The following IQCJ variants were observed in gnomAD, a reference collection of about 807,000 sequenced individuals.
The protein encoded by IQCJ is IQ motif containing J.
Under a neutral mutation model 11.0 loss-of-function variants are expected in IQCJ, and 9 were observed. The ratio of observed to expected loss-of-function variants is 0.82; its 90% CI spans 0.49 to 1.43. IQCJ has a LOEUF of 1.43. Ranked by LOEUF, IQCJ falls within the 40% of genes most tolerant of loss-of-function variation. The pLI is 0.00. For missense variants in IQCJ, 146 were observed against 133.2 expected (o/e 1.10, Z -0.47); for synonymous variants, 55 against 51.3 (o/e 1.07, Z -0.31).
At chr3:159,246,652 A>G (rs1478887748) in intron 2 of IQCJ, among the ~76,000 whole-genome samples, 1 of 152,168 alleles carries the variant, frequency 6.6e-6, no homozygotes, top group African/African-American at 2.4e-5. Context: ...TAAGAATCAC[A>G]TTGACATTGC....
chr3:159,092,324 A>G (rs1322169156), intron 1 of IQCJ, among the ~76,000 whole-genome samples: 1 of 151,914 alleles, frequency 6.6e-6, no homozygotes, highest in East Asian at 1.9e-4. Context: ...GGACAGACCA[A>G]ACAGAAACAT....
chr3:159,121,326 G>A lies in IQCJ; in HGVS notation c.9+51885G>A, dbSNP rs138447808. Among the ~76,000 whole-genome samples, 679 of 151,952 alleles carry A rather than the reference G, an allele frequency of 4.5e-3. 5 individuals are homozygous for A. Among genetic ancestry groups the A allele is most frequent in the Non-Finnish European group, 6.9e-3 (467 of 67,950 alleles). On this transcript the variant is annotated intron_variant, in intron 1 of 3. Transcript: ENST00000397832. Reference sequence around the variant, plus strand: ...TCAAAAAAATTTTTTTTAGAGACTGGGTCTTGCCATGTTGCCCAGGCTGAT... The same window carrying A: ...TCAAAAAAATTTTTTTTAGAGACTGAGTCTTGCCATGTTGCCCAGGCTGAT...
intron 1 of IQCJ, among the ~76,000 whole-genome samples, chr3:159,218,341 T>TTGTGTGTGTGTG (rs34078356): frequency 1.1e-4 from 16 of 146,016 alleles, no homozygotes; most frequent in African/African-American, 4.0e-4. Context: ...GAGTCCCTCT[T>TTGTGTGTGTGTG]TGTGTGTGTG....
At chr3:159,120,449 G>A (rs1159392995) in intron 1 of IQCJ, among the ~76,000 whole-genome samples, 7 of 152,236 alleles carry the variant, frequency 4.6e-5, no homozygotes, top group African/African-American at 1.7e-4. Flanking sequence ...CTGGGGGAAG[G>A]GTTTTATGCA....
intron 1 of IQCJ, among the ~76,000 whole-genome samples, chr3:159,116,208 T>C (rs576424937): frequency 3.3e-5 from 5 of 151,758 alleles, no homozygotes; most frequent in African/African-American, 1.2e-4. Flanking sequence ...CACTCCAGCC[T>C]GGACAACAGA....
chr3:159,240,801 C>T (rs1437888378), intron 1 of IQCJ, among the ~76,000 whole-genome samples: 3 of 151,952 alleles, frequency 2.0e-5, no homozygotes, highest in Non-Finnish European at 1.5e-5. Context: ...CCTTGTTGGC[C>T]AGGCTGGTCT....
At chr3:159,265,230 G>A (rs1728432308), downstream of IQCJ, 3 of 1,613,670 alleles carry the variant, frequency 1.9e-6, no homozygotes, top group South Asian at 2.2e-5. Flanking sequence ...CAGGGCCCCT[G>A]TTGGGAAGAT....
chr3:159,136,226 GA>G (rs1258935701), intron 1 of IQCJ, among the ~76,000 whole-genome samples: 3 of 152,058 alleles, frequency 2.0e-5, no homozygotes, highest in African/African-American at 7.2e-5. Flanking sequence ...AGCCCCCTGA[GA>G]AAAAACAATA....
intron 1 of IQCJ, among the ~76,000 whole-genome samples, chr3:159,228,397 G>A (rs556027123): frequency 1.2e-4 from 18 of 152,242 alleles, no homozygotes; most frequent in African/African-American, 3.9e-4. Flanking sequence ...GCAATTTAGG[G>A]CAATCACTAA....
intron 1 of IQCJ, among the ~76,000 whole-genome samples, chr3:159,157,226 C>T (rs1295621000): frequency 6.6e-6 from 1 of 152,184 alleles, no homozygotes; most frequent in East Asian, 1.9e-4. Flanking sequence ...CTTTGGCATT[C>T]ATCACACATC....
intron 1 of IQCJ, among the ~76,000 whole-genome samples, chr3:159,152,318 G>C (rs751147401): frequency 3.0e-4 from 46 of 152,238 alleles, no homozygotes; most frequent in Non-Finnish European, 5.4e-4. Flanking sequence ...GCTGAAAAAG[G>C]CTGTTAATTC....
At chr3:159,102,051 G>T (rs548072528) in intron 1 of IQCJ, among the ~76,000 whole-genome samples, 3 of 152,260 alleles carry the variant, frequency 2.0e-5, no homozygotes, top group Admixed American at 1.3e-4. Flanking sequence ...ATTTTCTCTT[G>T]CTCTTTCGCT....
intron 1 of IQCJ, among the ~76,000 whole-genome samples, chr3:159,147,827 A>G (rs1210207056): frequency 6.6e-6 from 1 of 152,166 alleles, no homozygotes; most frequent in Non-Finnish European, 1.5e-5. Context: ...AAACTTACTA[A>G]AAGAGGAATG....
At chr3:159,225,664 T>A (rs1235540505) in intron 1 of IQCJ, among the ~76,000 whole-genome samples, 1 of 152,084 alleles carries the variant, frequency 6.6e-6, no homozygotes, top group Non-Finnish European at 1.5e-5. Context: ...AATACGGTGT[T>A]TTTTCCACCA....
chr3:159,186,322 G>C (rs1156831498), intron 1 of IQCJ, among the ~76,000 whole-genome samples: 4 of 152,138 alleles, frequency 2.6e-5, no homozygotes, highest in African/African-American at 9.7e-5. Flanking sequence ...TGAATAGGTA[G>C]GTGATGGCTG....
intron 1 of IQCJ, among the ~76,000 whole-genome samples, chr3:159,162,067 GA>G (rs904261861): frequency 1.3e-5 from 2 of 152,190 alleles, no homozygotes; most frequent in African/African-American, 4.8e-5. Context: ...ATTCTGTGAA[GA>G]AAGTCATTGG....
intron 1 of IQCJ, among the ~76,000 whole-genome samples, chr3:159,233,560 GA>G (rs1726395506): frequency 6.6e-6 from 1 of 152,050 alleles, no homozygotes; most frequent in Non-Finnish European, 1.5e-5. Context: ...TAATGTCATC[GA>G]GCACCTGCTA....
At position 159,094,191 on chromosome 3, in the gene IQCJ, G is replaced by T. The variant is rs111609829; in HGVS notation, c.9+24750G>T. On this transcript the variant is annotated intron_variant, in intron 1 of 3. Coordinates refer to ENST00000397832, the MANE Select transcript of IQCJ (RefSeq NM_001042706.3). ...AATAATGGATTGAGAAGCTGCTATAGGTCCAGACCACGACAGCCACTGGGG... is the reference window on the plus strand; with the variant it reads ...AATAATGGATTGAGAAGCTGCTATATGTCCAGACCACGACAGCCACTGGGG... Among the ~76,000 whole-genome samples, 3 of 151,776 alleles carry T rather than the reference G, an allele frequency of 2.0e-5. No individual in the cohort carries two copies. In the South Asian group the frequency reaches 6.2e-4, roughly 32 times the overall value.
chr3:159,166,319 A>C (rs890517574), intron 1 of IQCJ, among the ~76,000 whole-genome samples: 1 of 152,196 alleles, frequency 6.6e-6, no homozygotes, highest in Non-Finnish European at 1.5e-5. Flanking sequence ...TCAAAGATGC[A>C]GTTTTAGATC....
Sources: gnomAD v4.1 joint callset for allele counts (sites outside exome capture counted in the v4.1 genomes callset) on GRCh38, gnomAD v4.1.1 for gene constraint, MANE v1.5 for transcripts, NCBI Gene and HGNC (gene_info 2026-07-23, HGNC 2026-07-21) for gene names.